The following FAAH2 variants were observed in gnomAD, a reference collection of about 807,000 sequenced individuals.
The protein encoded by FAAH2 is fatty-acid amide hydrolase 2.
A neutral mutation model predicts 36.9 loss-of-function variants in FAAH2; 60 were observed. The ratio of observed to expected loss-of-function variants is 1.63; its 90% confidence interval spans 1.32 to 2.02. The LOEUF is 2.02. Among genes scored for constraint, FAAH2 ranks in the 30% most tolerant of loss-of-function variants. The probability of loss-of-function intolerance (pLI) is 0.00; values close to 1 mark genes in which losing one functional copy is unlikely to be tolerated. For missense variants in FAAH2, 689 were observed against 397.5 expected (o/e 1.73, Z -6.23); for synonymous variants, 214 against 143.8 (o/e 1.49, Z -3.49).
chrX:57,395,570 G>C (rs1231535599), intron 7 of FAAH2, among the ~76,000 whole-genome samples: 1 of 111,972 alleles, frequency 8.9e-6, no homozygotes, highest in Non-Finnish European at 1.9e-5. Context: ...TGCCTAGTTG[G>C]TTGTGAAGAA....
intron 3 of FAAH2, among the ~76,000 whole-genome samples, chrX:57,328,879 A>G (rs1320281655): frequency 9.0e-6 from 1 of 111,293 alleles, no homozygotes; most frequent in Non-Finnish European, 1.9e-5. Context: ...GGGGACTGGT[A>G]TGAGGTCCCC....
chrX:57,285,930 T>C (rs1257386603), upstream of FAAH2, among the ~76,000 whole-genome samples: 1 of 111,832 alleles, frequency 8.9e-6, no homozygotes, highest in African/African-American at 3.3e-5. Flanking sequence ...CTCAGTGAGA[T>C]CTGAGCCAGA....
intron 5 of FAAH2, among the ~76,000 whole-genome samples, chrX:57,376,842 G>A (rs757114311): frequency 3.6e-4 from 40 of 111,815 alleles, no homozygotes; most frequent in African/African-American, 1.2e-3. Context: ...TTTAATGATC[G>A]CCATTCTAAC....
the FAAH2 span, among the ~76,000 whole-genome samples, chrX:57,176,982 A>G: frequency 1.8e-5 from 2 of 110,363 alleles, no homozygotes; most frequent in Non-Finnish European, 3.8e-5. Flanking sequence ...GGTCCCATAA[A>G]GCTTATCTTG....
chrX:57,456,065 C>A (rs2056860254), intron 10 of FAAH2, among the ~76,000 whole-genome samples: 1 of 111,676 alleles, frequency 9.0e-6, no homozygotes, highest in African/African-American at 3.3e-5. Flanking sequence ...TAAAGCAAAT[C>A]ACAATAAATT....
At chrX:57,142,551 T>C in the FAAH2 span, among the ~76,000 whole-genome samples, 1 of 112,284 alleles carries the variant, frequency 8.9e-6, no homozygotes, top group East Asian at 2.8e-4. Flanking sequence ...GAATGTTCCA[T>C]GTGCTGAGGA....
the FAAH2 span, among the ~76,000 whole-genome samples, chrX:57,255,026 C>T: frequency 1.8e-5 from 2 of 110,451 alleles, no homozygotes; most frequent in East Asian, 2.8e-4. Flanking sequence ...AGACCACTAG[C>T]CTAGCAAGAC....
intron 5 of FAAH2, among the ~76,000 whole-genome samples, chrX:57,353,370 G>T (rs2054075535): frequency 9.3e-6 from 1 of 107,873 alleles, no homozygotes; most frequent in South Asian, 4.0e-4. Flanking sequence ...TCAATAAATG[G>T]TGCTGGGAAA....
intron 7 of FAAH2, chrX:57,393,769 G>T (rs2055224141): frequency 1.1e-6 from 1 of 934,002 alleles, no homozygotes; most frequent in Non-Finnish European, 1.6e-6. Context: ...TATCAAAGTG[G>T]ACCGTCTGTG....
intron 10 of FAAH2, among the ~76,000 whole-genome samples, chrX:57,474,302 A>G (rs12863336): frequency 0.11 from 12,555 of 110,692 alleles, 785 homozygotes; most frequent in Non-Finnish European, 0.18. Flanking sequence ...TCCGCCCATC[A>G]TTTAGGCTTT....
intron 10 of FAAH2, among the ~76,000 whole-genome samples, chrX:57,488,193 C>T (rs893327124): frequency 1.8e-5 from 2 of 111,281 alleles, no homozygotes; most frequent in African/African-American, 3.3e-5. Flanking sequence ...TTAAACTGTA[C>T]ATTTGAAACG....
At chrX:57,380,684 C>T (rs1346941050) in intron 6 of FAAH2, among the ~76,000 whole-genome samples, 1 of 112,153 alleles carries the variant, frequency 8.9e-6, no homozygotes. Context: ...AACATTTTGA[C>T]TTGTCACCAC....
intron 3 of FAAH2, among the ~76,000 whole-genome samples, chrX:57,316,244 A>G (rs891581815): frequency 8.9e-6 from 1 of 111,937 alleles, no homozygotes; most frequent in Non-Finnish European, 1.9e-5. Context: ...AAATAAATGT[A>G]AAAACATTTC....
the FAAH2 span, among the ~76,000 whole-genome samples, chrX:57,250,025 G>A: frequency 8.9e-6 from 1 of 111,842 alleles, no homozygotes; most frequent in African/African-American, 3.2e-5. Context: ...AATTTACCAT[G>A]AAGACTTCAT....
chrX:57,149,846 G>A, the FAAH2 span, among the ~76,000 whole-genome samples: 1 of 111,099 alleles, frequency 9.0e-6, no homozygotes, highest in East Asian at 2.8e-4. Flanking sequence ...TTTTAATTGT[G>A]ATATTAGGGT....
intron 10 of FAAH2, among the ~76,000 whole-genome samples, chrX:57,487,226 G>A (rs185474612): frequency 2.2e-3 from 237 of 109,908 alleles, no homozygotes; most frequent in African/African-American, 7.1e-3. Context: ...TGAGATAAAA[G>A]GTTTCCTAGA....
At chrX:57,466,440 G>C (rs1047672981) in intron 10 of FAAH2, among the ~76,000 whole-genome samples, 2 of 94,341 alleles carry the variant, frequency 2.1e-5, no homozygotes, top group South Asian at 5.2e-4. Flanking sequence ...TACTGGAAAA[G>C]TATATATATA....
intron 7 of FAAH2, among the ~76,000 whole-genome samples, chrX:57,418,658 C>A (rs1374170350): frequency 1.8e-5 from 2 of 109,900 alleles, no homozygotes; most frequent in African/African-American, 6.6e-5. Context: ...AGCTGCAGAC[C>A]AGAGCTGTTC....
chrX:57,215,863 C>T, the FAAH2 span, among the ~76,000 whole-genome samples: 2 of 103,391 alleles, frequency 1.9e-5, no homozygotes, highest in Non-Finnish European at 3.9e-5. Flanking sequence ...TAGCTAAAAA[C>T]CTAGATGACA....
Sources: gnomAD v4.1 joint callset for allele counts (sites outside exome capture counted in the v4.1 genomes callset) on GRCh38, gnomAD v4.1.1 for gene constraint, MANE v1.5 for transcripts, NCBI Gene and HGNC (gene_info 2026-07-23, HGNC 2026-07-21) for gene names.